UBE3C: variants seen among roughly 807,000 people sequenced by gnomAD.
The protein encoded by UBE3C is ubiquitin-protein ligase E3C.
A neutral mutation model predicts 129.4 loss-of-function variants in UBE3C; 42 were observed. The ratio of observed to expected loss-of-function variants is 0.32; its 90% CI spans 0.25 to 0.42. The LOEUF (loss-of-function observed/expected upper bound fraction) is 0.42, where lower values mean the gene tolerates loss of function less well. UBE3C is among the 10% of genes least tolerant of loss of function. The probability of loss-of-function intolerance (pLI) is 1.00; values close to 1 mark genes in which losing one functional copy is unlikely to be tolerated. For missense variants in UBE3C, 1,049 were observed against 1,319.1 expected, an observed-to-expected ratio of 0.80 and a Z score of 3.17; for synonymous variants, 510 against 492.4, an observed-to-expected ratio of 1.04 and a Z score of -0.47.
At chr7:157,217,905 C>T (rs1329549922) in intron 14 of UBE3C, among the ~76,000 whole-genome samples, 2 of 152,020 alleles carry the variant, frequency 1.3e-5, no homozygotes, top group Non-Finnish European at 2.9e-5. Flanking sequence ...CCCCTGTAGT[C>T]CCAGCTACTC....
intron 5 of UBE3C, among the ~76,000 whole-genome samples, chr7:157,177,311 G>A (rs537796915): frequency 5.8e-4 from 89 of 152,312 alleles, no homozygotes; most frequent in African/African-American, 2.0e-3. Flanking sequence ...TCAAGAGTCT[G>A]TTCAAATCTT....
chr7:157,174,777 T>G, intron 4 of UBE3C, 142 bp from the exon 5 acceptor site: 1 of 602,794 alleles, frequency 1.7e-6, no homozygotes, highest in East Asian at 3.0e-5. Context: ...AAAACCGACT[T>G]AGAATATTTA....
chr7:157,147,797 A>T (rs574610402), intron 1 of UBE3C, among the ~76,000 whole-genome samples: 1 of 152,236 alleles, frequency 6.6e-6, no homozygotes, highest in South Asian at 2.1e-4. Flanking sequence ...TGTTAATGTT[A>T]TGTGATTTTC....
chr7:157,235,310 G>A (rs779630181), intron 18 of UBE3C, among the ~76,000 whole-genome samples: 3 of 152,206 alleles, frequency 2.0e-5, no homozygotes, highest in Non-Finnish European at 2.9e-5. Flanking sequence ...TGAGTGTTCT[G>A]CTAGACTAAC....
At chr7:157,192,081 C>G (rs1808984154) in intron 10 of UBE3C, among the ~76,000 whole-genome samples, 1 of 152,192 alleles carries the variant, frequency 6.6e-6, no homozygotes, top group African/African-American at 2.4e-5. Context: ...AGATTATAAA[C>G]TAATTTCCAC....
intron 13 of UBE3C, among the ~76,000 whole-genome samples, chr7:157,210,513 T>C (rs1356414555): frequency 1.3e-5 from 2 of 152,244 alleles, no homozygotes; most frequent in Non-Finnish European, 2.9e-5. Flanking sequence ...GTTTTGCATA[T>C]ATTCATTTAA....
intron 18 of UBE3C, among the ~76,000 whole-genome samples, chr7:157,243,168 G>A (rs904155516): frequency 2.0e-5 from 3 of 152,114 alleles, no homozygotes; most frequent in East Asian, 1.9e-4. Context: ...TGTCCTCCAC[G>A]GTCCCCATCC....
intron 10 of UBE3C, chr7:157,192,727 C>T (rs1259703640): frequency 2.3e-6 from 2 of 873,296 alleles, no homozygotes; most frequent in African/African-American, 2.1e-5. Context: ...CGAGAGTGCC[C>T]TTCTGATGAA....
chr7:157,223,483 T>C, intron 16 of UBE3C, 132 bp downstream of exon 16: 1 of 689,646 alleles, frequency 1.5e-6, no homozygotes, highest in Non-Finnish European at 2.3e-6. Flanking sequence ...CTCATTAGGC[T>C]GAAATAGCTA....
Position 157,183,901 on chromosome 7 carries a change from C to A in UBE3C, c.1015C>A (p.Leu339Met). The change falls in exon 9 of 23, where the codon CTG becomes ATG. Residue 339 changes from leucine to methionine, a missense_variant. By Grantham distance (15) the Leu-to-Met change is conservative. Transcript: ENST00000348165. ...AGGGGCCCTCTCTGAGGAAGGGCTG[C>A]TGGTGTATTTGCGGGTGCTGCAGAC... ...YLGALSEEGL[L>M]VYLRVLQTFL... 6.2e-7 allele frequency: 1 copy of A among 1,614,092 alleles called. No homozygotes were observed. The highest frequency in any genetic ancestry group is 8.5e-7 in the Non-Finnish European group (1 of 1,179,988).
Position 157,139,173 on chromosome 7 carries a change from C to CCGGG in UBE3C, c.-89_-86dup, listed in dbSNP as rs1807349887. ...GCCGCCGCGTCCTCGCTGCCCCGGGCCGGGCGGGCGGGCGCCGAGAGCCTC... is the reference window on the plus strand; with the variant it reads ...GCCGCCGCGTCCTCGCTGCCCCGGGCCGGGCGGGCGGGCGGGCGCCGAGAGCCTC... On this transcript the variant is annotated 5_prime_UTR_variant, in exon 1 of 23. The change abolishes the stop of an existing upstream ORF in the 5' untranslated region. Coordinates refer to ENST00000348165, the MANE Select transcript of UBE3C (RefSeq NM_014671.3). 1 of 868,308 alleles carries CCGGG rather than the reference C, an allele frequency of 1.2e-6. No homozygotes were observed. Among genetic ancestry groups the CCGGG allele is most frequent in the South Asian group, 5.2e-5 (1 of 19,080 alleles). The allele number at this position is 868,308 out of a possible 1,614,324, so 53.8% of individuals were successfully genotyped here.
rs1387505307 is a variant in UBE3C at position 157,152,149 on chromosome 7, G to A, written c.67-11661G>A. Among the ~76,000 whole-genome samples, 3 of 152,088 alleles carry A rather than the reference G, an allele frequency of 2.0e-5. No homozygotes were observed. The East Asian group carries it at 5.8e-4, about 29-fold the overall frequency. On this transcript the variant is annotated intron_variant, in intron 1 of 22. Coordinates refer to ENST00000348165, the MANE Select transcript of UBE3C (RefSeq NM_014671.3). ...ACAGGTTGTGGCCAGAATGGGGGTG[G>A]GCAAAGGGTGTAGGGAAAGTGGAAG...
intron 1 of UBE3C, among the ~76,000 whole-genome samples, chr7:157,145,014 C>G (rs139600786): frequency 1.4e-3 from 209 of 152,258 alleles, no homozygotes; most frequent in African/African-American, 4.7e-3. Flanking sequence ...GGTGTGGTGG[C>G]TAATGCCTGT....
At chr7:157,139,767 C>T (rs947870645) in intron 1 of UBE3C, among the ~76,000 whole-genome samples, 4 of 152,244 alleles carry the variant, frequency 2.6e-5, no homozygotes, top group East Asian at 1.9e-4. Context: ...AATGCGCTTT[C>T]CATGCTCGCT....
chr7:157,173,092 G>A (rs1403158870), intron 4 of UBE3C, among the ~76,000 whole-genome samples: 1 of 152,204 alleles, frequency 6.6e-6, no homozygotes, highest in Non-Finnish European at 1.5e-5. Context: ...AAGAAAAGTG[G>A]GCTGGACACA....
In UBE3C at chr7:157,139,733, C is replaced by G. The variant is rs73743204; in HGVS notation, c.66+395C>G. 7.9e-3 allele frequency among the ~76,000 whole-genome samples: 1,199 copies of G among 152,358 alleles called. 12 individuals carry two copies. The highest frequency in any genetic ancestry group is 0.028 in the African/African-American group (1,153 of 41,586). The stretch of plus-strand genomic sequence containing the variant: ...TTTGTGCCACCCAAGGTGAACTTAC[C>G]CTTTCTGGGTGTTTCCTTTCAGAAA... On this transcript the variant is annotated intron_variant, in intron 1 of 22. Transcript: ENST00000348165.
At chr7:157,256,291 C>T (rs939066672) in intron 21 of UBE3C, among the ~76,000 whole-genome samples, 11 of 152,104 alleles carry the variant, frequency 7.2e-5, no homozygotes, top group Non-Finnish European at 1.5e-5. Context: ...TATGGGTGCG[C>T]GCCACAACAT....
rs1797132560 is a variant in UBE3C, at chr7:157,268,274, A to T, written c.*519A>T. ...TTCTGCTGCCTTTCCCAAAGTGGTT[A>T]GGTTTGGAAAAGAGATGATGATGGT... On this transcript the variant is annotated 3_prime_UTR_variant, in exon 23 of 23. Transcript: ENST00000348165. The T allele has an allele frequency of 6.6e-6, 1 of 152,580 alleles. No homozygotes were observed. Among genetic ancestry groups the T allele is most frequent in the African/African-American group, 2.4e-5 (1 of 41,406 alleles). The allele number at this position is 152,580 out of a possible 1,614,324, so 9.5% of individuals were successfully genotyped here.
At chr7:157,237,003 A>G (rs1489412307) in intron 18 of UBE3C, among the ~76,000 whole-genome samples, 1 of 152,142 alleles carries the variant, frequency 6.6e-6, no homozygotes. Context: ...AAGTGCTGGC[A>G]TTACAGGCGT....
Sources: allele counts gnomAD v4.1 joint callset (sites outside exome capture counted in the v4.1 genomes callset), GRCh38; gene constraint gnomAD v4.1.1; transcripts MANE v1.5; gene names NCBI Gene and HGNC (gene_info 2026-07-23, HGNC 2026-07-21).